The following AP3S2 variants were observed in gnomAD, a reference collection of about 807,000 sequenced individuals.
AP3S2 encodes adaptor related protein complex 3 subunit sigma 2, also known as AP-3 complex subunit sigma-2.
In AP3S2, 22 loss-of-function variants were observed where a neutral mutation model predicts 23.4. The ratio of observed to expected loss-of-function variants is 0.94; its 90% CI spans 0.67 to 1.34. The LOEUF is 1.34. Among genes scored for constraint, AP3S2 ranks in the 40% most tolerant of loss-of-function variants. The pLI is 0.00. For missense variants in AP3S2, 241 were observed against 236.9 expected, an observed-to-expected ratio of 1.02 and a Z score of -0.11; for synonymous variants, 86 against 87.1, an observed-to-expected ratio of 0.99 and a Z score of 0.07.
chr15:89,839,800 C>T (rs1895283513), intron 4 of AP3S2, among the ~76,000 whole-genome samples: 1 of 151,820 alleles, frequency 6.6e-6, no homozygotes, highest in Non-Finnish European at 1.5e-5. Flanking sequence ...CAAAATGTGC[C>T]ATAGAAATAC....
intron 4 of AP3S2, among the ~76,000 whole-genome samples, chr15:89,860,640 ACTGT>A (rs1304896793): frequency 6.6e-6 from 1 of 152,164 alleles, no homozygotes; most frequent in African/African-American, 2.4e-5. Context: ...TGCAGATAAA[ACTGT>A]CTGTCTTAAC....
chr15:89,843,565 G>A (rs1895386027), intron 4 of AP3S2, among the ~76,000 whole-genome samples: 1 of 152,144 alleles, frequency 6.6e-6, no homozygotes, highest in African/African-American at 2.4e-5. Flanking sequence ...AACCCGGGAG[G>A]TGGAGGCTGC....
At chr15:89,848,259 T>C (rs1429276964) in intron 4 of AP3S2, among the ~76,000 whole-genome samples, 3 of 152,250 alleles carry the variant, frequency 2.0e-5, no homozygotes, top group African/African-American at 7.2e-5. Context: ...AGTGCTTGTA[T>C]TAAAACATGA....
intron 4 of AP3S2, among the ~76,000 whole-genome samples, chr15:89,864,092 C>A (rs916214044): frequency 1.3e-5 from 2 of 152,048 alleles, no homozygotes; most frequent in African/African-American, 2.4e-5. Context: ...ACTGCATGAA[C>A]AACAAAAATA....
chr15:89,880,949 A>G (rs553702228), intron 3 of AP3S2, among the ~76,000 whole-genome samples: 3 of 152,272 alleles, frequency 2.0e-5, no homozygotes, highest in African/African-American at 7.2e-5. Flanking sequence ...GATATTTTCT[A>G]TTGTCCTAAG....
Position 89,889,756 on chromosome 15 carries a change from CG to C in AP3S2, c.70-617del, listed in dbSNP as rs565638174. 2.8e-4 allele frequency among the ~76,000 whole-genome samples: 42 copies of C among 149,568 alleles called. No individual in the cohort carries two copies. In the South Asian group the frequency reaches 9.1e-3, roughly 33 times the overall value. On this transcript the variant is annotated intron_variant, in intron 1 of 5. Transcript: ENST00000336418. ...GCGCATGCCTGTAATCCCAGCTACT[CG>C]GGAGGCTGAGGCAGGAGAACTGCTT...
At chr15:89,863,540 GGA>G (rs1453581091) in intron 4 of AP3S2, among the ~76,000 whole-genome samples, 1 of 152,160 alleles carries the variant, frequency 6.6e-6, no homozygotes. Flanking sequence ...AGGAAGAAAA[GGA>G]GAGAGAGGAG....
At chr15:89,874,038 G>A (rs1896383383) in intron 3 of AP3S2, among the ~76,000 whole-genome samples, 1 of 151,034 alleles carries the variant, frequency 6.6e-6, no homozygotes, top group African/African-American at 2.4e-5. Flanking sequence ...GTGCCACCAT[G>A]CCTGGCTAAA....
At chr15:89,839,311 G>A (rs1206463058) in intron 4 of AP3S2, among the ~76,000 whole-genome samples, 1 of 152,194 alleles carries the variant, frequency 6.6e-6, no homozygotes, top group Non-Finnish European at 1.5e-5. Flanking sequence ...CTGATCTTGA[G>A]GACAGAGTAT....
intron 4 of AP3S2, among the ~76,000 whole-genome samples, chr15:89,862,513 A>C (rs968182686): frequency 5.3e-5 from 8 of 152,248 alleles, no homozygotes; most frequent in Non-Finnish European, 2.9e-5. Context: ...ATATGTATAT[A>C]GACATAAAAG....
chr15:89,888,386 G>A (rs946485631), intron 3 of AP3S2, 135 bp downstream of exon 3: 1 of 735,082 alleles, frequency 1.4e-6, no homozygotes, highest in Non-Finnish European at 2.2e-6. Context: ...CTCTCCCAGA[G>A]CACCATCTGG....
chr15:89,880,172 TTAATG>T (rs1267561055), intron 3 of AP3S2, among the ~76,000 whole-genome samples: 21 of 151,864 alleles, frequency 1.4e-4, no homozygotes, highest in Non-Finnish European at 2.5e-4. Context: ...AAAAGAAACT[TTAATG>T]TAAGATTCAA....
intron 3 of AP3S2, among the ~76,000 whole-genome samples, chr15:89,881,201 G>T (rs956490485): frequency 6.6e-6 from 1 of 152,204 alleles, no homozygotes; most frequent in Non-Finnish European, 1.5e-5. Context: ...TAGTGAAGAT[G>T]AGCGTGTATA....
intron 4 of AP3S2, among the ~76,000 whole-genome samples, chr15:89,842,329 G>T (rs1339056628): frequency 6.6e-6 from 1 of 152,182 alleles, no homozygotes; most frequent in East Asian, 1.9e-4. Context: ...GTAAAGATAT[G>T]TTCATAAAGA....
At position 89,833,709 on chromosome 15, in the gene AP3S2, C is replaced by G. The variant is rs1895128694; in HGVS notation, c.*1806G>C. ...TTGATATCTATTCACCTACACTTCC[C>G]TCTTCCACAGGAAGCGGCCCACCTT... On this transcript the variant is annotated 3_prime_UTR_variant, in exon 6 of 6. Coordinates refer to ENST00000336418, the MANE Select transcript of AP3S2 (RefSeq NM_005829.5). 1 of 152,272 alleles carries G rather than the reference C, an allele frequency of 6.6e-6. No homozygotes were observed. The highest frequency in any genetic ancestry group is 2.1e-4 in the South Asian group (1 of 4,836). 9.4% of individuals were successfully genotyped at this position (152,272 alleles called of 1,614,324 possible). A position where few individuals can be genotyped will look rare whatever the true frequency, so the allele number is the denominator to read the frequency against.
At chr15:89,865,980 G>A (rs1442644570) in intron 4 of AP3S2, among the ~76,000 whole-genome samples, 1 of 152,106 alleles carries the variant, frequency 6.6e-6, no homozygotes, top group Non-Finnish European at 1.5e-5. Flanking sequence ...CTTGGAGGCT[G>A]GGCGCGGTGG....
At chr15:89,893,837 AG>A in intron 1 of AP3S2, 43 bp downstream of exon 1, 1 of 1,548,952 alleles carries the variant, frequency 6.5e-7, no homozygotes, top group South Asian at 1.2e-5. Context: ...GGGAAGACAT[AG>A]TGGGCGCCCT....
intron 4 of AP3S2, among the ~76,000 whole-genome samples, chr15:89,857,194 C>A (rs1249145467): frequency 6.6e-6 from 1 of 152,154 alleles, no homozygotes; most frequent in Non-Finnish European, 1.5e-5. Flanking sequence ...GTTGGTCAGG[C>A]TGGTCTTGAA....
At chr15:89,887,282 AATTT>A (rs1825254039) in intron 3 of AP3S2, among the ~76,000 whole-genome samples, 2 of 152,216 alleles carry the variant, frequency 1.3e-5, no homozygotes, top group Non-Finnish European at 2.9e-5. Context: ...TCAAAATTTC[AATTT>A]ATTTGTTCCA....
Sources: allele counts gnomAD v4.1 joint callset (sites outside exome capture counted in the v4.1 genomes callset), GRCh38; gene constraint gnomAD v4.1.1; transcripts MANE v1.5; gene names NCBI Gene and HGNC (gene_info 2026-07-23, HGNC 2026-07-21).